C8A: variants seen among roughly 807,000 people sequenced by gnomAD.
The protein encoded by C8A is complement C8 alpha chain.
In C8A, 67 loss-of-function variants were observed where a neutral mutation model predicts 65.3. The ratio of observed to expected loss-of-function variants is 1.03; its 90% CI spans 0.84 to 1.26. C8A has a LOEUF of 1.26. C8A is among the 50% of genes most tolerant of loss of function. C8A has a pLI of 0.00. For synonymous variants in C8A, 290 were observed against 259.4 expected (o/e 1.12, Z -1.13); for missense variants, 781 against 723.9 (o/e 1.08, Z -0.90).
chr1:56,860,631 G>A (rs1644024685), intron 1 of C8A, among the ~76,000 whole-genome samples: 1 of 152,142 alleles, frequency 6.6e-6, no homozygotes, highest in South Asian at 2.1e-4. Context: ...TTTACATGTG[G>A]AACCATTAAG....
intron 5 of C8A, among the ~76,000 whole-genome samples, chr1:56,883,184 G>C (rs546137216): frequency 6.6e-6 from 1 of 151,866 alleles, no homozygotes; most frequent in East Asian, 1.9e-4. Context: ...AGAAATCCAC[G>C]CTCAGAGCAA....
chr1:56,908,516 A>G (rs1007155561), intron 9 of C8A, among the ~76,000 whole-genome samples: 24 of 152,238 alleles, frequency 1.6e-4, no homozygotes, highest in Admixed American at 1.3e-4. Flanking sequence ...CATACAATCT[A>G]TAATACACAA....
chr1:56,907,918 G>C, intron 8 of C8A, 38 bp from the exon 9 acceptor site: 1 of 1,613,084 alleles, frequency 6.2e-7, no homozygotes, highest in South Asian at 1.1e-5. Context: ...TGGGCTTTTT[G>C]GGAAATGAGT....
At chr1:56,860,157 C>T (rs1435604821) in intron 1 of C8A, among the ~76,000 whole-genome samples, 1 of 152,012 alleles carries the variant, frequency 6.6e-6, no homozygotes, top group Non-Finnish European at 1.5e-5. Flanking sequence ...TAAAGACAGG[C>T]TGATTGAGGG....
chr1:56,859,952 G>A (rs770283469), intron 1 of C8A, among the ~76,000 whole-genome samples: 6 of 152,108 alleles, frequency 3.9e-5, no homozygotes, highest in Non-Finnish European at 8.8e-5. Flanking sequence ...AGTCCCAGCT[G>A]CTCGGGAGAC....
chr1:56,862,769 G>T (rs917351774), intron 1 of C8A, among the ~76,000 whole-genome samples: 1 of 152,096 alleles, frequency 6.6e-6, no homozygotes, highest in Non-Finnish European at 1.5e-5. Context: ...TGATTGAGTA[G>T]ATTTTCGCCA....
At chr1:56,866,102 A>G (rs1414023858) in intron 1 of C8A, among the ~76,000 whole-genome samples, 1 of 152,178 alleles carries the variant, frequency 6.6e-6, no homozygotes, top group Non-Finnish European at 1.5e-5. Flanking sequence ...CAGTTATTGG[A>G]AAAGGCTGTT....
intron 2 of C8A, 37 bp from the exon 3 acceptor site, chr1:56,874,912 G>C (rs1201997204): frequency 6.2e-7 from 1 of 1,611,742 alleles, no homozygotes; most frequent in African/African-American, 1.3e-5. Flanking sequence ...TGATTGATTG[G>C]TTGACAAGAA....
At position 56,912,453 on chromosome 1, in the gene C8A, G is replaced by C. The variant is rs151177235; in HGVS notation, c.1431G>C (p.Glu477Asp). ...GGCACACAAGCCTGGGGCCTCTGGA[G>C]GCCAAGCGCCAGAACCTGCGCCGCG... ...VLRHTSLGPLEAKRQNLRRAL... is the reference protein window; with the variant it reads ...VLRHTSLGPLDAKRQNLRRAL... The change falls in exon 10 of 11, where the codon GAG becomes GAC. Residue 477 changes from glutamate (E) to aspartate (D), a missense_variant. Glu to Asp is a conservative substitution (Grantham distance 45, BLOSUM62 2). Transcript: ENST00000361249. The C allele has an allele frequency of 1.9e-6, 3 of 1,614,096 alleles. No individual in the cohort carries two copies. The African/African-American group carries it at 4.0e-5, about 22-fold the overall frequency.
chr1:56,894,690 CT>C (rs1338216629), intron 7 of C8A, among the ~76,000 whole-genome samples: 3 of 152,142 alleles, frequency 2.0e-5, no homozygotes, highest in African/African-American at 7.2e-5. Context: ...CCCTGCCTTC[CT>C]GTATTTCATT....
intron 7 of C8A, among the ~76,000 whole-genome samples, chr1:56,901,004 T>C (rs931605713): frequency 1.3e-5 from 2 of 152,184 alleles, no homozygotes; most frequent in Non-Finnish European, 2.9e-5. Flanking sequence ...ATGAAAGAGA[T>C]AAAGGGACTT....
intron 5 of C8A, 38 bp downstream of exon 5, chr1:56,881,672 G>GTA: frequency 6.3e-7 from 1 of 1,578,528 alleles, no homozygotes; most frequent in Non-Finnish European, 8.7e-7. Flanking sequence ...CCACTGTGGT[G>GTA]TAGGTGGCAG....
chr1:56,913,548 C>T (rs895612410), intron 10 of C8A, among the ~76,000 whole-genome samples: 2 of 152,232 alleles, frequency 1.3e-5, no homozygotes, highest in African/African-American at 4.8e-5. Flanking sequence ...CTGTGAGACA[C>T]TAATTGTTCA....
At chr1:56,874,822 A>T (rs1644182016) in intron 2 of C8A, 127 bp from the exon 3 acceptor site, 5 of 1,041,122 alleles carry the variant, frequency 4.8e-6, no homozygotes, top group Non-Finnish European at 7.2e-6. Flanking sequence ...CTCAAAAGAC[A>T]GCTTCACAGG....
intron 9 of C8A, among the ~76,000 whole-genome samples, chr1:56,910,526 AG>A (rs1315586721): frequency 3.3e-5 from 5 of 152,314 alleles, no homozygotes; most frequent in Non-Finnish European, 7.4e-5. Context: ...CCCACTGGAA[AG>A]TCAAAGAGAA....
At chr1:56,888,392 A>T (rs1431961552) in intron 7 of C8A, among the ~76,000 whole-genome samples, 1 of 152,180 alleles carries the variant, frequency 6.6e-6, no homozygotes, top group Non-Finnish European at 1.5e-5. Flanking sequence ...TGTGCTAGGG[A>T]TATGATGGTG....
chr1:56,891,074 A>C (rs1259803489), intron 7 of C8A, among the ~76,000 whole-genome samples: 3 of 152,192 alleles, frequency 2.0e-5, no homozygotes, highest in Non-Finnish European at 4.4e-5. Context: ...AAAATGAACA[A>C]GTTGTAAAAA....
intron 9 of C8A, among the ~76,000 whole-genome samples, chr1:56,910,148 T>A (rs1644494797): frequency 6.6e-6 from 1 of 152,366 alleles, no homozygotes; most frequent in East Asian, 1.9e-4. Context: ...AACAGCATGT[T>A]ATTCACTTGC....
rs147108278 is a variant in C8A, at chr1:56,917,680, G to A, written c.1719G>A (p.Ser573=). 2.8e-4 allele frequency: 447 copies of A among 1,614,196 alleles called. 1 individual carries two copies. Among genetic ancestry groups the A allele is most frequent in the Middle Eastern group, 3.3e-4 (2 of 6,050 alleles). The part of the protein sequence containing the change: ...DNPAPQNGGA[S]CPGRKVQTQA... ...CAGCACCTCAGAATGGAGGGGCCTC[G>A]TGTCCAGGGCGGAAAGTACAGACGC... The change falls in exon 11 of 11, where the codon TCG becomes TCA. Residue 573 remains serine (S), a synonymous_variant. Transcript: ENST00000361249.
Sources: allele counts gnomAD v4.1 joint callset (sites outside exome capture counted in the v4.1 genomes callset), GRCh38; gene constraint gnomAD v4.1.1; transcripts MANE v1.5; gene names NCBI Gene and HGNC (gene_info 2026-07-23, HGNC 2026-07-21).